The following RNF123 variants were observed in gnomAD, a reference collection of about 807,000 sequenced individuals.
The protein encoded by RNF123 is ring finger protein 123.
In RNF123, 86 loss-of-function variants were observed where a neutral mutation model predicts 168.5. The observed-to-expected ratio is 0.51, with a 90% CI of 0.43 to 0.61. The LOEUF (loss-of-function observed/expected upper bound fraction) is 0.61, where lower values mean the gene tolerates loss of function less well. RNF123 is among the 20% of genes least tolerant of loss of function. The pLI is 0.00. For synonymous variants in RNF123, 666 were observed against 689.1 expected, an observed-to-expected ratio of 0.97 and a Z score of 0.52; for missense variants, 1,419 against 1,729.7, an observed-to-expected ratio of 0.82 and a Z score of 3.19.
At chr3:49,708,857 G>A (rs1260586260) in intron 26 of RNF123, among the ~76,000 whole-genome samples, 2 of 152,148 alleles carry the variant, frequency 1.3e-5, no homozygotes, top group Non-Finnish European at 2.9e-5. Context: ...TAATGAACAT[G>A]GGTTTGCAAA....
intron 18 of RNF123, 85 bp downstream of exon 18, chr3:49,702,229 G>A: frequency 6.3e-7 from 1 of 1,587,748 alleles, no homozygotes; most frequent in Non-Finnish European, 8.6e-7. Flanking sequence ...TGGGAACTGG[G>A]TTTGGTTCCC....
Position 49,697,451 on chromosome 3 carries a change from G to T in RNF123, c.336G>T (p.Leu112=). ...GGCTTCTCCTGGTGGATGATGACCT[G>T]CTGGGGGTGAGTGAGGGTGAGGTGT... ...FEGLLLVDDD[L]LGVIGHSNFG... Residue 112 remains leucine, a synonymous_variant, in exon 5 of 39, where the codon CTG becomes CTT. Transcript: ENST00000327697. 1.2e-6 allele frequency: 2 copies of T among 1,604,158 alleles called. No homozygotes were observed. Among genetic ancestry groups the T allele is most frequent in the Non-Finnish European group, 1.7e-6 (2 of 1,174,920 alleles).
intron 34 of RNF123, 52 bp from the exon 35 acceptor site, chr3:49,716,341 C>T: frequency 6.3e-7 from 1 of 1,591,446 alleles, no homozygotes; most frequent in Admixed American, 1.7e-5. Context: ...GCCTGGAGCC[C>T]TTGAAGCAGG....
chr3:49,706,626 CAG>C (rs1202595408), intron 25 of RNF123, among the ~76,000 whole-genome samples, 163 bp from the exon 26 acceptor site: 3 of 152,358 alleles, frequency 2.0e-5, no homozygotes, highest in African/African-American at 7.2e-5. Context: ...GAGGCTGGCT[CAG>C]GGTCACCAGA....
chr3:49,721,508 C>CATTAA lies in RNF123; in HGVS notation c.*208_*212dup, dbSNP rs780456158. ...GACTTTCAGTCAGGGCCACAGTGAG[C>CATTAA]ATTAAATTATTATTCCATACAGCCC... On this transcript the variant is annotated 3_prime_UTR_variant, in exon 39 of 39. Coordinates refer to ENST00000327697, the MANE Select transcript of RNF123 (RefSeq NM_022064.5). 1 of 845,892 alleles carries CATTAA rather than the reference C, an allele frequency of 1.2e-6. No individual in the cohort carries two copies. The allele number at this position is 845,892 out of a possible 1,614,324, so 52.4% of individuals were successfully genotyped here. A position where few individuals can be genotyped will look rare whatever the true frequency, so the allele number is the denominator to read the frequency against.
chr3:49,702,072 C>T lies in RNF123; in HGVS notation c.1496-11C>T, dbSNP rs1315606928. 1 of 1,613,298 alleles carries T rather than the reference C, an allele frequency of 6.2e-7. No homozygotes were observed. Among genetic ancestry groups the T allele is most frequent in the African/African-American group, 1.3e-5 (1 of 75,038 alleles). On this transcript the variant is annotated splice_polypyrimidine_tract_variant and intron_variant, in intron 17 of 38. Transcript: ENST00000327697. ...GGAGCCTGAGGGCCATGTTCCTCAC[C>T]TGACCTCCAGTGGTGGAAGAACTAC...
chr3:49,697,801 C>G (rs2054297830), intron 5 of RNF123, 84 bp from the exon 6 acceptor site: 2 of 1,541,644 alleles, frequency 1.3e-6, no homozygotes, highest in Admixed American at 1.7e-5. Context: ...CCAGGGCTGG[C>G]TCAGTTGGGG....
intron 35 of RNF123, chr3:49,718,038 G>T: frequency 6.2e-7 from 1 of 1,613,688 alleles, no homozygotes; most frequent in South Asian, 1.1e-5. Context: ...TGTAGAGATC[G>T]AATTCCTCAG....
rs376631445 is a variant in RNF123, at chr3:49,691,478, T to G, written c.136T>G (p.Ser46Ala). ...CTACCTGAACCGCATCTTTTCCTCT[T>G]CTGAACATGCACCCCCAGCAGCCAC... is the stretch of plus-strand genomic sequence containing the variant. Reference protein sequence around the residue: ...NDYLNRIFSSSEHAPPAATSR... With the variant: ...NDYLNRIFSSAEHAPPAATSR... Residue 46 changes from serine (S) to alanine (A), a missense_variant, in exon 3 of 39, where the codon TCT (serine) becomes GCT (alanine). Transcript: ENST00000327697. 1 of 1,614,170 alleles carries G rather than the reference T, an allele frequency of 6.2e-7. No individual in the cohort carries two copies. The highest frequency in any genetic ancestry group is 8.5e-7 in the Non-Finnish European group (1 of 1,180,028).
chr3:49,703,662 G>A lies in RNF123; in HGVS notation c.1852+134G>A. 1.2e-5 allele frequency: 8 copies of A among 649,126 alleles called. No individual in the cohort carries two copies. The South Asian group carries it at 1.6e-4, about 13-fold the overall frequency. The allele number at this position is 649,126 out of a possible 1,614,324, so 40.2% of individuals were successfully genotyped here. ...CCAAGTCTTTCCACCCACTCAGGCA[G>A]GGAGACACTGATCTGCCTGCCCTAC... On this transcript the variant is annotated intron_variant, in intron 21 of 38. Transcript: ENST00000327697.
intron 35 of RNF123, 148 bp from the exon 36 acceptor site, chr3:49,720,363 G>A: frequency 1.4e-6 from 1 of 719,854 alleles, no homozygotes; most frequent in Non-Finnish European, 2.1e-6. Context: ...CTAGAATACA[G>A]GACTTGGGGT....
chr3:49,704,849 G>T (rs2054481614), intron 22 of RNF123, 93 bp downstream of exon 22: 1 of 1,398,318 alleles, frequency 7.2e-7, no homozygotes, highest in South Asian at 1.4e-5. Context: ...CCCGCTCCAT[G>T]CAGGCAAAGG....
chr3:49,695,961 T>G (rs969063716), intron 3 of RNF123, among the ~76,000 whole-genome samples: 1 of 152,202 alleles, frequency 6.6e-6, no homozygotes, highest in African/African-American at 2.4e-5. Context: ...AGGTGGGTCA[T>G]GTGCTCCGCT....
In RNF123 at chr3:49,691,406, C is replaced by G; in HGVS notation, c.83-19C>G. The G allele has an allele frequency of 6.2e-7, 1 of 1,613,910 alleles. No individual in the cohort carries two copies. Among genetic ancestry groups the G allele is most frequent in the Admixed American group, 1.7e-5 (1 of 60,028 alleles). On this transcript the variant is annotated intron_variant, in intron 2 of 38. Transcript: ENST00000327697. ...CACTGATCATGTGGCCCTTTTCTCC[C>G]TTCTGACTTGTGGCTCAGGCATTGT...
At chr3:49,714,232 C>T in intron 31 of RNF123, 58 bp downstream of exon 31, 1 of 1,477,062 alleles carries the variant, frequency 6.8e-7, no homozygotes, top group Non-Finnish European at 9.5e-7. Context: ...TTACCTCCTA[C>T]CCATGGGTTC....
At position 49,713,546 on chromosome 3, in the gene RNF123, T is replaced by C; in HGVS notation, c.2708T>C (p.Ile903Thr). The C allele has an allele frequency of 6.2e-7, 1 of 1,612,610 alleles. No individual in the cohort carries two copies. Among genetic ancestry groups the C allele is most frequent in the Non-Finnish European group, 8.5e-7 (1 of 1,179,434 alleles). The change falls in exon 28 of 39, where the codon ATT becomes ACT. Residue 903 changes from isoleucine to threonine, a missense_variant. Ile to Thr is a moderately conservative substitution (Grantham distance 89). This residue lies in a region of RNF123 where 538 missense variants were observed against 708.8 expected (regional missense o/e 0.76). Transcript: ENST00000327697. ...YEETLTRLAAILAKHFADARI... is the reference protein window; with the variant it reads ...YEETLTRLAATLAKHFADARI... ...GAGACCCTGACCCGCCTGGCTGCCA[T>C]TCTCGCCAAACACTTTGCCGACGCA...
chr3:49,720,517 G>A lies in RNF123; in HGVS notation c.3507G>A (p.Glu1169=). The A allele has an allele frequency of 6.3e-7, 1 of 1,587,350 alleles. No homozygotes were observed. The highest frequency in any genetic ancestry group is 8.6e-7 in the Non-Finnish European group (1 of 1,165,662). Residue 1169 remains glutamate (E), a synonymous_variant, in exon 36 of 39, where the codon GAG becomes GAA. Coordinates refer to ENST00000327697, the MANE Select transcript of RNF123 (RefSeq NM_022064.5). ...TGCACCCTCCCCTACCTAGGAGAGA[G>A]CAAGCCACATCAGTGCTCCTGGCAG... ...LLVRGPASER[E]QATSVLLADP...
chr3:49,714,375 C>T (rs944527029), intron 31 of RNF123, among the ~76,000 whole-genome samples: 38 of 152,224 alleles, frequency 2.5e-4, no homozygotes, highest in African/African-American at 8.9e-4. Flanking sequence ...GACTCCCCCT[C>T]CCCAGCCTTG....
rs566399271 is a variant in RNF123 at position 49,714,450 on chromosome 3, G to A, written c.3010+276G>A. 3.6e-4 allele frequency among the ~76,000 whole-genome samples: 55 copies of A among 152,314 alleles called. No homozygotes were observed. The East Asian group carries it at 8.3e-3, about 23-fold the overall frequency. The stretch of plus-strand genomic sequence containing the variant: ...CTCTATGTGGGTCATGGTGAGAGGC[G>A]GCACCATGTTCCTGGCCTGCTACAG... On this transcript the variant is annotated intron_variant, in intron 31 of 38. Transcript: ENST00000327697.
Sources: allele counts gnomAD v4.1 joint callset (sites outside exome capture counted in the v4.1 genomes callset), GRCh38; gene constraint gnomAD v4.1.1; regional missense constraint gnomAD v4.1.1; transcripts MANE v1.5; gene names NCBI Gene and HGNC (gene_info 2026-07-23, HGNC 2026-07-21).